Variants in DNMT3B observed in about 807,000 individuals in gnomAD.
DNMT3B encodes DNA (cytosine-5)-methyltransferase 3B.
In DNMT3B, 37 loss-of-function variants were observed where a neutral mutation model predicts 120.2. The ratio of observed to expected loss-of-function variants is 0.31; its 90% CI spans 0.24 to 0.40. DNMT3B has a LOEUF of 0.40. DNMT3B is among the 10% of genes least tolerant of loss of function. DNMT3B has a pLI of 1.00. For missense variants in DNMT3B, 878 were observed against 1,137.3 expected, an observed-to-expected ratio of 0.77 and a Z score of 3.28; for synonymous variants, 412 against 442.8, an observed-to-expected ratio of 0.93 and a Z score of 0.87.
chr20:32,784,888 C>T (rs779507978), intron 4 of DNMT3B, 29 bp downstream of exon 4: 43 of 1,609,704 alleles, frequency 2.7e-5, no homozygotes, highest in Non-Finnish European at 3.6e-5. Flanking sequence ...AGCCAAAGCA[C>T]TTGTGGCCAA....
chr20:32,780,519 C>G (rs530131895), intron 2 of DNMT3B, 54 bp downstream of exon 2: 2 of 1,597,262 alleles, frequency 1.3e-6, no homozygotes, highest in South Asian at 1.1e-5. Flanking sequence ...AGTGAGCGGT[C>G]ACTGCAGACA....
intron 14 of DNMT3B, among the ~76,000 whole-genome samples, 189 bp downstream of exon 14, chr20:32,797,488 C>G (rs934039100): frequency 3.3e-5 from 5 of 152,162 alleles, no homozygotes; most frequent in Non-Finnish European, 5.9e-5. Flanking sequence ...GAGTAGAACT[C>G]ATGTATAGGG....
chr20:32,774,244 C>T (rs919006927), intron 1 of DNMT3B, among the ~76,000 whole-genome samples: 2 of 151,612 alleles, frequency 1.3e-5, no homozygotes, highest in Non-Finnish European at 2.9e-5. Context: ...GAGTCTCGCT[C>T]TGTCACCTAG....
intron 1 of DNMT3B, among the ~76,000 whole-genome samples, chr20:32,765,716 GGCT>G (rs1987302196): frequency 6.8e-6 from 1 of 147,848 alleles, no homozygotes; most frequent in Non-Finnish European, 1.5e-5. Flanking sequence ...TGTTACACCC[GGCT>G]GCTTTTTATT....
Position 32,808,357 on chromosome 20 carries a change from C to T in DNMT3B, c.*454C>T. On this transcript the variant is annotated 3_prime_UTR_variant, in exon 23 of 23. Transcript: ENST00000328111. ...AAAACTGGCTACTGCTCTGTGTTTA[C>T]AGACGTGTGCAGTTGTAGGCATGTA... 3.4e-6 allele frequency: 1 copy of T among 290,058 alleles called. No individual in the cohort carries two copies. The highest frequency in any genetic ancestry group is 7.5e-5 in the South Asian group (1 of 13,330). The allele number at this position is 290,058 out of a possible 1,614,324, so 18.0% of individuals were successfully genotyped here. A position where few individuals can be genotyped will look rare whatever the true frequency, so the allele number is the denominator to read the frequency against.
At chr20:32,769,027 T>C (rs1249125935) in intron 1 of DNMT3B, among the ~76,000 whole-genome samples, 1 of 152,202 alleles carries the variant, frequency 6.6e-6, no homozygotes, top group African/African-American at 2.4e-5. Context: ...GTACTAAATA[T>C]GATTGTTACT....
chr20:32,779,808 G>A (rs898707803), intron 1 of DNMT3B: 4 of 546,268 alleles, frequency 7.3e-6, no homozygotes, highest in Non-Finnish European at 9.9e-6. Flanking sequence ...GCGGTTCTGT[G>A]GGGGAGGAGG....
chr20:32,801,842 G>C (rs986171714), intron 19 of DNMT3B, among the ~76,000 whole-genome samples: 1 of 152,086 alleles, frequency 6.6e-6, no homozygotes, highest in Non-Finnish European at 1.5e-5. Context: ...ACCTCCCAAC[G>C]TGTTGGGATT....
chr20:32,793,479 C>T (rs1980229496), intron 9 of DNMT3B, 57 bp from the exon 10 acceptor site: 3 of 1,583,890 alleles, frequency 1.9e-6, no homozygotes, highest in Admixed American at 1.7e-5. Context: ...AAAAAGAAAA[C>T]AGTCCATACA....
chr20:32,788,210 T>C (rs571405978), intron 6 of DNMT3B, among the ~76,000 whole-genome samples: 1 of 152,322 alleles, frequency 6.6e-6, no homozygotes, highest in South Asian at 2.1e-4. Context: ...GGCCTGACAA[T>C]ACATATTGTG....
At chr20:32,806,814 ATTGT>A (rs1429217126) in intron 22 of DNMT3B, among the ~76,000 whole-genome samples, 1 of 117,592 alleles carries the variant, frequency 8.5e-6, no homozygotes, top group East Asian at 9.8e-4. Context: ...TCACTCCTCT[ATTGT>A]TTGTTCATTT....
At chr20:32,796,474 A>C (rs1476793595) in intron 12 of DNMT3B, among the ~76,000 whole-genome samples, 1 of 152,222 alleles carries the variant, frequency 6.6e-6, no homozygotes, top group Non-Finnish European at 1.5e-5. Flanking sequence ...GAGTCACCAC[A>C]AAATCCTTAG....
In DNMT3B at chr20:32,786,728, C is replaced by T. The variant is rs373210648; in HGVS notation, c.432+101C>T. On this transcript the variant is annotated intron_variant, in intron 5 of 22. Coordinates refer to ENST00000328111, the MANE Select transcript of DNMT3B (RefSeq NM_006892.4). Reference sequence around the variant, plus strand: ...TTGTGGCTGGTAGATAATCTGTGTCCTTTTTTCACACTGCTTTTCAGGTTC... The same window carrying T: ...TTGTGGCTGGTAGATAATCTGTGTCTTTTTTTCACACTGCTTTTCAGGTTC... 3 of 1,573,048 alleles carry T rather than the reference C, an allele frequency of 1.9e-6. No homozygotes were observed. The South Asian group carries it at 3.3e-5, about 18-fold the overall frequency.
At chr20:32,791,134 G>A (rs1979928740) in intron 7 of DNMT3B, among the ~76,000 whole-genome samples, 1 of 152,238 alleles carries the variant, frequency 6.6e-6, no homozygotes, top group African/African-American at 2.4e-5. Flanking sequence ...GTCGAGCACT[G>A]TTTTCTAAAC....
chr20:32,808,191 C>CT lies in DNMT3B; in HGVS notation c.*299dup, dbSNP rs3215552. The CT allele has an allele frequency of 0.016, 5,780 of 372,600 alleles. 1 individual carries two copies. Among genetic ancestry groups the CT allele is most frequent in the South Asian group, 0.026 (809 of 31,608 alleles). The allele number at this position is 372,600 out of a possible 1,614,324, so 23.1% of individuals were successfully genotyped here. The stretch of plus-strand genomic sequence containing the variant: ...AAACTTGAAGTAGGTAGCAACGTGG[C>CT]TTTTTTTTTTTCCCTTCCTGGGTCT... On this transcript the variant is annotated 3_prime_UTR_variant, in exon 23 of 23. Coordinates refer to ENST00000328111, the MANE Select transcript of DNMT3B (RefSeq NM_006892.4).
chr20:32,767,417 T>TTG (rs1987447777), intron 1 of DNMT3B, among the ~76,000 whole-genome samples: 1 of 151,112 alleles, frequency 6.6e-6, no homozygotes, highest in African/African-American at 2.4e-5. Context: ...CTGTAAGCTC[T>TTG]TGTGTGTGTT....
At position 32,800,920 on chromosome 20, in the gene DNMT3B, T is replaced by G; in HGVS notation, c.1991T>G (p.Leu664Arg). ...LSNVNPARKG[L>R]YEGTGRLFFE... ...AATGTGAATCCAGCCAGGAAAGGCC[T>G]GTATGGTGAGCATCCTTCTCTCTGG... Residue 664 changes from leucine to arginine, a missense_variant, in exon 18 of 23, where the codon CTG (leucine) becomes CGG (arginine). Transcript: ENST00000328111. The G allele has an allele frequency of 6.2e-7, 1 of 1,614,202 alleles. No homozygotes were observed. Among genetic ancestry groups the G allele is most frequent in the Non-Finnish European group, 8.5e-7 (1 of 1,180,028 alleles).
At chr20:32,780,054 G>A (rs941561778) in intron 1 of DNMT3B, 46 of 1,597,342 alleles carry the variant, frequency 2.9e-5, no homozygotes, top group Non-Finnish European at 3.7e-5. Context: ...TGAGACCCCA[G>A]CCCTGGCCTC....
At position 32,801,375 on chromosome 20, in the gene DNMT3B, T is replaced by C; in HGVS notation, c.2094T>C (p.Asn698=). 6.2e-7 allele frequency: 1 copy of C among 1,614,090 alleles called. No individual in the cohort carries two copies. Among genetic ancestry groups the C allele is most frequent in the East Asian group, 2.2e-5 (1 of 44,876 alleles). ...GGCCGTTCTTCTGGATGTTTGAGAA[T>C]GTTGTAGCCATGAAGGTTGGCGACA... ...DDRPFFWMFE[N]VVAMKVGDKR... Residue 698 remains asparagine, a synonymous_variant, in exon 19 of 23, where the codon AAT becomes AAC. Coordinates refer to ENST00000328111, the MANE Select transcript of DNMT3B (RefSeq NM_006892.4).
Sources: allele counts gnomAD v4.1 joint callset (sites outside exome capture counted in the v4.1 genomes callset), GRCh38; gene constraint gnomAD v4.1.1; transcripts MANE v1.5; gene names NCBI Gene and HGNC (gene_info 2026-07-23, HGNC 2026-07-21).